TRIM54: variants seen among roughly 807,000 people sequenced by gnomAD.
The protein encoded by TRIM54 is tripartite motif containing 54.
In TRIM54, 40 loss-of-function variants were observed where a neutral mutation model predicts 42.0. That is an observed-to-expected ratio of 0.95 (90% CI 0.74 to 1.24). The LOEUF (loss-of-function observed/expected upper bound fraction) is 1.24. TRIM54 is among the 50% of genes most tolerant of loss of function. The pLI is 0.00. For synonymous variants in TRIM54, 199 were observed against 194.9 expected (o/e 1.02, Z -0.17); for missense variants, 485 against 480.3 (o/e 1.01, Z -0.09).
At chr2:27,283,784 G>GCGCGCGCACA (rs367621533) in intron 1 of TRIM54, among the ~76,000 whole-genome samples, 23 of 132,200 alleles carry the variant, frequency 1.7e-4, no homozygotes, top group African/African-American at 6.1e-4. Context: ...ACACACGCGC[G>GCGCGCGCACA]CACACACACA....
In TRIM54 at chr2:27,294,889, CAAA is replaced by C. The variant is rs57097129; in HGVS notation, c.169-3659_169-3657del. On this transcript the variant is annotated intron_variant, in intron 1 of 8. Coordinates refer to ENST00000380075, the MANE Select transcript of TRIM54 (RefSeq NM_187841.3). ...TGGGCGACAGAGCAAGACTCCATCT[CAAA>C]AAAAAAAAAAAAAAAAAAGAGTATT... is the stretch of plus-strand genomic sequence containing the variant. Among the ~76,000 whole-genome samples the C allele has an allele frequency of 2.7e-3, 142 of 52,804 alleles. 1 individual carries two copies. The highest frequency in any genetic ancestry group is 0.021 in the East Asian group (44 of 2,112). The allele number at this position is 52,804 out of a possible 152,430, so 34.6% of individuals were successfully genotyped here. A position where few individuals can be genotyped will look rare whatever the true frequency, so the allele number is the denominator to read the frequency against.
chr2:27,286,732 T>C (rs1428537092), intron 1 of TRIM54, among the ~76,000 whole-genome samples: 1 of 152,204 alleles, frequency 6.6e-6, no homozygotes, highest in African/African-American at 2.4e-5. Context: ...CAGAGGGACT[T>C]GCAGAGGGGG....
At chr2:27,284,882 G>A (rs768547023) in intron 1 of TRIM54, among the ~76,000 whole-genome samples, 62 of 152,300 alleles carry the variant, frequency 4.1e-4, no homozygotes, top group South Asian at 1.0e-3. Context: ...CATACATGGA[G>A]GCTAGAATGT....
At chr2:27,294,154 G>A (rs1407904050) in intron 1 of TRIM54, among the ~76,000 whole-genome samples, 1 of 151,980 alleles carries the variant, frequency 6.6e-6, no homozygotes, top group Non-Finnish European at 1.5e-5. Flanking sequence ...TTTTGAGACA[G>A]GTCTCCCTCT....
At chr2:27,293,112 A>G (rs1258780614) in intron 1 of TRIM54, among the ~76,000 whole-genome samples, 1 of 151,950 alleles carries the variant, frequency 6.6e-6, no homozygotes, top group Non-Finnish European at 1.5e-5. Context: ...TTGTTTGTCA[A>G]GCTTTCTTTT....
chr2:27,301,530 C>T (rs1226465749), intron 3 of TRIM54, among the ~76,000 whole-genome samples: 1 of 152,184 alleles, frequency 6.6e-6, no homozygotes, highest in African/African-American at 2.4e-5. Context: ...TATACGGTCA[C>T]TTGCTGACAT....
At chr2:27,283,049 G>A in intron 1 of TRIM54, 150 bp downstream of exon 1, 1 of 874,710 alleles carries the variant, frequency 1.1e-6, no homozygotes, top group South Asian at 1.9e-5. Flanking sequence ...AAGGGCTGGG[G>A]TCCAAGCAAA....
Position 27,306,041 on chromosome 2 carries a change from G to A in TRIM54, c.844-39G>A, listed in dbSNP as rs1362189186. 1.2e-6 allele frequency: 2 copies of A among 1,612,602 alleles called. No individual in the cohort carries two copies. The highest frequency in any genetic ancestry group is 2.2e-5 in the East Asian group (1 of 44,868). On this transcript the variant is annotated intron_variant, in intron 5 of 8. Transcript: ENST00000380075. The surrounding 1 kb of genome is among the most constrained non-coding windows in gnomAD (Gnocchi z 6.1). Reference sequence around the variant, plus strand: ...CAGAAATGGGACTTTGCCCAGGTTGGCCCAGTGCTTACTCTCACCCTCCTT... The same window carrying A: ...CAGAAATGGGACTTTGCCCAGGTTGACCCAGTGCTTACTCTCACCCTCCTT...
At chr2:27,304,135 C>A (rs1463515207) in intron 3 of TRIM54, among the ~76,000 whole-genome samples, 1 of 151,570 alleles carries the variant, frequency 6.6e-6, no homozygotes, top group African/African-American at 2.4e-5. Flanking sequence ...TCACCTGAGC[C>A]TGGAAGGTCG....
intron 3 of TRIM54, among the ~76,000 whole-genome samples, chr2:27,303,579 G>T (rs763531028): frequency 6.6e-6 from 1 of 151,942 alleles, no homozygotes; most frequent in Non-Finnish European, 1.5e-5. Flanking sequence ...GGAGACCGTA[G>T]GTTAAACTAG....
At chr2:27,303,140 C>A (rs1679080577) in intron 3 of TRIM54, among the ~76,000 whole-genome samples, 1 of 152,042 alleles carries the variant, frequency 6.6e-6, no homozygotes, top group Non-Finnish European at 1.5e-5. Flanking sequence ...AAAGCAGAAC[C>A]CTGAGTGGCA....
At chr2:27,286,135 C>A (rs1165421547) in intron 1 of TRIM54, among the ~76,000 whole-genome samples, 1 of 151,766 alleles carries the variant, frequency 6.6e-6, no homozygotes, top group African/African-American at 2.4e-5. Context: ...TCTTACCTCC[C>A]CAACACAGTT....
chr2:27,306,688 C>CG lies in TRIM54; in HGVS notation c.*1+148dup. The CG allele has an allele frequency of 2.2e-6, 2 of 894,814 alleles. No homozygotes were observed. Among genetic ancestry groups the CG allele is most frequent in the Non-Finnish European group, 3.3e-6 (2 of 598,940 alleles). The allele number at this position is 894,814 out of a possible 1,614,324, so 55.4% of individuals were successfully genotyped here. ...CCCACTCCTCGGTGCAACCCAACCC[C>CG]GGAGCCACAAAGGCGCGCCCCCTAG... On this transcript the variant is annotated intron_variant, in intron 8 of 8. Transcript: ENST00000380075. The surrounding 1 kb of genome is among the most constrained non-coding windows in gnomAD (Gnocchi z 6.1).
At chr2:27,288,380 C>T (rs1475843924) in intron 1 of TRIM54, among the ~76,000 whole-genome samples, 1 of 152,208 alleles carries the variant, frequency 6.6e-6, no homozygotes, top group Non-Finnish European at 1.5e-5. Context: ...ATTTACAGAG[C>T]ATCTTTCTAG....
At chr2:27,292,616 T>C (rs1678750850) in intron 1 of TRIM54, among the ~76,000 whole-genome samples, 1 of 152,176 alleles carries the variant, frequency 6.6e-6, no homozygotes, top group Non-Finnish European at 1.5e-5. Context: ...TCAATGGCAT[T>C]ACATACATTT....
chr2:27,295,984 C>G (rs1256779909), intron 1 of TRIM54, among the ~76,000 whole-genome samples: 1 of 152,198 alleles, frequency 6.6e-6, no homozygotes, highest in African/African-American at 2.4e-5. Flanking sequence ...ACAAACATGC[C>G]TTGAATTATC....
At chr2:27,302,246 C>T (rs148658113) in intron 3 of TRIM54, among the ~76,000 whole-genome samples, 7,051 of 150,354 alleles carry the variant, frequency 0.047, 522 homozygotes, top group African/African-American at 0.16. Flanking sequence ...GTCAGGAGAT[C>T]GGGACCATCC....
At chr2:27,298,228 C>T (rs150537861) in intron 1 of TRIM54, among the ~76,000 whole-genome samples, 37 of 152,282 alleles carry the variant, frequency 2.4e-4, no homozygotes, top group African/African-American at 8.9e-4. Context: ...GAGTTCATTT[C>T]CTGCCTCAGC....
At chr2:27,300,858 C>T (rs893796621) in intron 3 of TRIM54, among the ~76,000 whole-genome samples, 3 of 152,002 alleles carry the variant, frequency 2.0e-5, no homozygotes, top group Admixed American at 6.6e-5. Flanking sequence ...AGAGTGAGAC[C>T]TTGTCTCAAA....
Sources: allele counts gnomAD v4.1 joint callset (sites outside exome capture counted in the v4.1 genomes callset), GRCh38; gene constraint gnomAD v4.1.1; non-coding constraint Gnocchi (gnomAD v3.1); transcripts MANE v1.5; gene names NCBI Gene and HGNC (gene_info 2026-07-23, HGNC 2026-07-21).